Variants in FREM2 observed in about 807,000 individuals in gnomAD.
FREM2 encodes FRAS1 related extracellular matrix 2, also known as FRAS1-related extracellular matrix protein 2.
FREM2 carries 119 observed loss-of-function variants against 219.9 expected under a neutral mutation model. The ratio of observed to expected loss-of-function variants is 0.54; its 90% CI spans 0.47 to 0.63. The LOEUF is 0.63. FREM2 is among the 30% of genes least tolerant of loss of function. The probability of loss-of-function intolerance (pLI) is 0.00; values close to 1 mark genes in which losing one functional copy is unlikely to be tolerated. For synonymous variants in FREM2, 1,562 were observed against 1,522.8 expected (o/e 1.03, Z -0.60); for missense variants, 4,030 against 3,993.6 (o/e 1.01, Z -0.25).
At chr13:38,812,034 A>G (rs988668709) in intron 6 of FREM2, among the ~76,000 whole-genome samples, 1 of 152,112 alleles carries the variant, frequency 6.6e-6, no homozygotes, top group Non-Finnish European at 1.5e-5. Flanking sequence ...TAACCCCTTT[A>G]TCAGTATACA....
intron 6 of FREM2, among the ~76,000 whole-genome samples, chr13:38,786,832 A>G (rs138862253): frequency 1.1e-3 from 175 of 152,300 alleles, no homozygotes; most frequent in African/African-American, 3.9e-3. Flanking sequence ...CATTATCCCT[A>G]TTTTACAGAT....
Position 38,807,106 on chromosome 13 carries a change from T to G in FREM2, c.6019+22298T>G, listed in dbSNP as rs188735790. Among the ~76,000 whole-genome samples, 809 of 146,374 alleles carry G rather than the reference T, an allele frequency of 5.5e-3. 7 individuals are homozygous for G. The highest frequency in any genetic ancestry group is 0.019 in the African/African-American group (761 of 40,462). The stretch of plus-strand genomic sequence containing the variant: ...CACTGAAGTCTTGAACCCCTCAATG[T>G]CATCCATGAGGGTTTGAATAAATTT... On this transcript the variant is annotated intron_variant, in intron 6 of 23. Transcript: ENST00000280481.
chr13:38,688,798 C>T lies in FREM2; in HGVS notation c.1454C>T (p.Ala485Val). 1.2e-6 allele frequency: 2 copies of T among 1,614,016 alleles called. No individual in the cohort carries two copies. The highest frequency in any genetic ancestry group is 1.7e-6 in the Non-Finnish European group (2 of 1,180,028). ...DLEAVRLEVV[A>V]GLRHGHLVIL... is the part of the protein sequence containing the mutation. ...GAAGCAGTGCGGCTAGAGGTGGTGGCTGGGCTCCGGCATGGTCACCTTGTC... is the reference window on the plus strand; with the variant it reads ...GAAGCAGTGCGGCTAGAGGTGGTGGTTGGGCTCCGGCATGGTCACCTTGTC... Residue 485 changes from alanine (A) to valine (V), a missense_variant, in exon 1 of 24, where the codon GCT becomes GTT. Physicochemically the swap from Ala to Val is moderately conservative, Grantham distance 64. This residue lies in a region of FREM2 where 3,102 missense variants were observed against 2,950.7 expected (regional missense o/e 1.05). Coordinates refer to ENST00000280481, the MANE Select transcript of FREM2 (RefSeq NM_207361.6).
At chr13:38,753,247 A>G (rs1315490355) in intron 2 of FREM2, among the ~76,000 whole-genome samples, 1 of 152,198 alleles carries the variant, frequency 6.6e-6, no homozygotes, top group Non-Finnish European at 1.5e-5. Context: ...AAAATAAAGT[A>G]AGTCCTCCCA....
In FREM2 at chr13:38,856,273, G is replaced by T; in HGVS notation, c.7056+17G>T. The stretch of plus-strand genomic sequence containing the variant: ...GAGATGCAGGTAAGTAATGTAATGT[G>T]TATGTAAATTCATGGCTAGCAGTTT... On this transcript the variant is annotated intron_variant, in intron 12 of 23. Transcript: ENST00000280481. The T allele has an allele frequency of 6.2e-7, 1 of 1,608,594 alleles. No individual in the cohort carries two copies. Among genetic ancestry groups the T allele is most frequent in the Admixed American group, 1.7e-5 (1 of 59,896 alleles).
In FREM2 at chr13:38,691,563, G is replaced by C; in HGVS notation, c.4219G>C (p.Asp1407His). The change falls in exon 1 of 24, where the codon GAT becomes CAT. Residue 1407 changes from aspartate to histidine, a missense_variant. Around this residue, in one of 2 missense-constraint regions of FREM2, gnomAD observed 3,102 missense variants for 2,950.7 expected, o/e 1.05. Transcript: ENST00000280481. ...DVTDGINPLI[D>H]RYFYVSIGSI... The stretch of plus-strand genomic sequence containing the variant: ...GACTGATGGAATAAATCCCCTCATA[G>C]ATCGTTACTTTTATGTGTCCATCGG... 1 of 1,614,160 alleles carries C rather than the reference G, an allele frequency of 6.2e-7. No homozygotes were observed. Among genetic ancestry groups the C allele is most frequent in the Non-Finnish European group, 8.5e-7 (1 of 1,180,038 alleles).
chr13:38,820,056 T>C (rs956717382), intron 6 of FREM2, among the ~76,000 whole-genome samples: 1 of 152,170 alleles, frequency 6.6e-6, no homozygotes, highest in Non-Finnish European at 1.5e-5. Flanking sequence ...TCATAGATAA[T>C]AGAATAACTT....
chr13:38,871,007 C>T (rs114551396), intron 16 of FREM2, among the ~76,000 whole-genome samples: 1 of 152,094 alleles, frequency 6.6e-6, no homozygotes, highest in Non-Finnish European at 1.5e-5. Context: ...TATGGGTTGA[C>T]TTAGTCACCG....
At chr13:38,713,310 A>G (rs1870855852) in intron 2 of FREM2, among the ~76,000 whole-genome samples, 1 of 152,216 alleles carries the variant, frequency 6.6e-6, no homozygotes, top group South Asian at 2.1e-4. Context: ...TTAACCTCCC[A>G]GAGCTTTTGT....
intron 2 of FREM2, among the ~76,000 whole-genome samples, chr13:38,754,682 C>T (rs1872910432): frequency 6.6e-6 from 1 of 152,138 alleles, no homozygotes; most frequent in Admixed American, 6.5e-5. Flanking sequence ...TCCAGCTCTC[C>T]TCTGCAGGCA....
chr13:38,784,928 G>T, intron 6 of FREM2, 120 bp downstream of exon 6: 1 of 1,153,350 alleles, frequency 8.7e-7, no homozygotes, highest in Non-Finnish European at 1.2e-6. Context: ...TTTTATGTTT[G>T]GTTTTTTCAT....
intron 6 of FREM2, chr13:38,821,724 T>C (rs999367840): frequency 1.3e-5 from 2 of 152,182 alleles, no homozygotes; most frequent in African/African-American, 4.8e-5. Context: ...CTTCACGTGC[T>C]TATAGGCCCC....
chr13:38,761,630 A>G (rs1873228937), intron 2 of FREM2, among the ~76,000 whole-genome samples: 8 of 152,218 alleles, frequency 5.3e-5, no homozygotes, highest in Admixed American at 3.9e-4. Context: ...GATACCCACT[A>G]AAGTGCACAA....
At chr13:38,838,562 C>G (rs963689873) in intron 6 of FREM2, among the ~76,000 whole-genome samples, 6 of 152,188 alleles carry the variant, frequency 3.9e-5, no homozygotes, top group Non-Finnish European at 8.8e-5. Flanking sequence ...TGTTTTCAAA[C>G]TTGGTTCTAT....
chr13:38,828,473 C>T (rs546828369), intron 6 of FREM2, among the ~76,000 whole-genome samples: 4 of 152,044 alleles, frequency 2.6e-5, no homozygotes, highest in East Asian at 1.9e-4. Context: ...TTTATGAAGC[C>T]GAGGTAGGAG....
chr13:38,841,237 G>A (rs141660907), intron 6 of FREM2, among the ~76,000 whole-genome samples: 5 of 152,236 alleles, frequency 3.3e-5, no homozygotes, highest in East Asian at 3.9e-4. Context: ...TGTTAAAGAC[G>A]CTGAAATGAG....
At chr13:38,859,683 A>G in intron 14 of FREM2, 93 bp downstream of exon 14, 3 of 1,151,730 alleles carry the variant, frequency 2.6e-6, no homozygotes, top group South Asian at 1.3e-5. Context: ...CCAATGTCCC[A>G]CATATTCCAT....
chr13:38,779,176 A>G (rs1032106203), intron 4 of FREM2, among the ~76,000 whole-genome samples: 5 of 151,944 alleles, frequency 3.3e-5, no homozygotes, highest in African/African-American at 1.2e-4. Flanking sequence ...GAGTTAGACA[A>G]TGAGAACACA....
chr13:38,808,536 A>G (rs1215059789), intron 6 of FREM2, among the ~76,000 whole-genome samples: 1 of 151,906 alleles, frequency 6.6e-6, no homozygotes, highest in Non-Finnish European at 1.5e-5. Flanking sequence ...TTGTAAGCTT[A>G]TTAATTGGCC....
Sources: allele counts gnomAD v4.1 joint callset (sites outside exome capture counted in the v4.1 genomes callset), GRCh38; gene constraint gnomAD v4.1.1; regional missense constraint gnomAD v4.1.1; transcripts MANE v1.5; gene names NCBI Gene and HGNC (gene_info 2026-07-23, HGNC 2026-07-21).